GRB10: variants seen among roughly 807,000 people sequenced by gnomAD.
GRB10 encodes the protein growth factor receptor bound protein 10, also known as growth factor receptor-bound protein 10.
A neutral mutation model predicts 80.9 loss-of-function variants in GRB10; 20 were observed. The observed-to-expected ratio is 0.25, with a 90% confidence interval of 0.17 to 0.36. The LOEUF (loss-of-function observed/expected upper bound fraction) is 0.36, where lower values mean the gene tolerates loss of function less well. GRB10 is among the 10% of genes least tolerant of loss of function. The pLI is 1.00. For synonymous variants in GRB10, 291 were observed against 291.5 expected (o/e 1.00, Z 0.02); for missense variants, 548 against 747.7 (o/e 0.73, Z 3.12).
chr7:50,704,797 A>G (rs1005048695), intron 4 of GRB10, among the ~76,000 whole-genome samples: 2 of 152,240 alleles, frequency 1.3e-5, no homozygotes, highest in African/African-American at 4.8e-5. Flanking sequence ...CAACATGCAC[A>G]CACAGCTCCC....
chr7:50,603,478 G>A (rs764038322), intron 17 of GRB10, among the ~76,000 whole-genome samples: 4 of 152,132 alleles, frequency 2.6e-5, no homozygotes, highest in African/African-American at 7.2e-5. Flanking sequence ...TAATTGCCAC[G>A]GCAACAGCTC....
Position 50,725,120 on chromosome 7 carries a change from G to A in GRB10, c.51+7152C>T, listed in dbSNP as rs371445175. Among the ~76,000 whole-genome samples the A allele has an allele frequency of 9.9e-5, 15 of 152,162 alleles. No homozygotes were observed. In the East Asian group the frequency reaches 1.4e-3, roughly 14 times the overall value. Reference sequence around the variant, plus strand: ...TGATATGGTTTGCATTTGTATCCCCGCCCAAAATCTCATGTCCATCCCCAA... The same window carrying A: ...TGATATGGTTTGCATTTGTATCCCCACCCAAAATCTCATGTCCATCCCCAA... On this transcript the variant is annotated intron_variant, in intron 4 of 18. Transcript: ENST00000401949.
chr7:50,789,087 C>T (rs2078807247), intron 1 of GRB10, among the ~76,000 whole-genome samples: 1 of 152,200 alleles, frequency 6.6e-6, no homozygotes, highest in Non-Finnish European at 1.5e-5. Context: ...TAGAATTCTA[C>T]CTGTGAGGAG....
chr7:50,700,558 T>C, intron 5 of GRB10, among the ~76,000 whole-genome samples: 1 of 152,206 alleles, frequency 6.6e-6, no homozygotes, highest in Non-Finnish European at 1.5e-5. Context: ...CATTCCTTAT[T>C]CTATTTCATT....
chr7:50,645,052 T>C (rs2056950188), intron 7 of GRB10, among the ~76,000 whole-genome samples: 1 of 152,242 alleles, frequency 6.6e-6, no homozygotes, highest in African/African-American at 2.4e-5. Flanking sequence ...ATTTCATAAA[T>C]GGAGCTATCA....
intron 4 of GRB10, among the ~76,000 whole-genome samples, chr7:50,714,637 TG>T (rs2066534450): frequency 2.0e-5 from 3 of 149,956 alleles, no homozygotes. Flanking sequence ...CACTCCAGCC[TG>T]GGCTACATAG....
chr7:50,660,374 G>A (rs2059132125), intron 7 of GRB10, among the ~76,000 whole-genome samples: 1 of 152,148 alleles, frequency 6.6e-6, no homozygotes, highest in Non-Finnish European at 1.5e-5. Flanking sequence ...TGTCCATGCA[G>A]GAAGTGGGGT....
intron 7 of GRB10, among the ~76,000 whole-genome samples, chr7:50,632,398 G>C (rs1366962741): frequency 6.6e-6 from 1 of 152,152 alleles, no homozygotes; most frequent in African/African-American, 2.4e-5. Flanking sequence ...CCTGAGGCCT[G>C]GTCTCAGCTC....
At chr7:50,595,211 C>T (rs755228927) in intron 18 of GRB10, among the ~76,000 whole-genome samples, 1 of 152,188 alleles carries the variant, frequency 6.6e-6, no homozygotes, top group Non-Finnish European at 1.5e-5. Flanking sequence ...CTCACAGGCT[C>T]AAGGGGGGCC....
At chr7:50,777,384 A>C (rs1273616622) in intron 2 of GRB10, among the ~76,000 whole-genome samples, 1 of 149,256 alleles carries the variant, frequency 6.7e-6, no homozygotes, top group Non-Finnish European at 1.5e-5. Context: ...ATTAGGTTTC[A>C]ACACATGAAT....
chr7:50,733,142 G>C (rs1339230533), intron 3 of GRB10, among the ~76,000 whole-genome samples: 2 of 152,108 alleles, frequency 1.3e-5, no homozygotes, highest in Non-Finnish European at 2.9e-5. Flanking sequence ...AATACAAGCG[G>C]TGTTTTTGTA....
At chr7:50,608,866 G>A (rs577013433) in intron 13 of GRB10, among the ~76,000 whole-genome samples, 5 of 151,712 alleles carry the variant, frequency 3.3e-5, no homozygotes, top group African/African-American at 4.8e-5. Context: ...TCAGGAGGCT[G>A]AGGTGGGAAG....
intron 13 of GRB10, among the ~76,000 whole-genome samples, chr7:50,609,812 T>C (rs950951170): frequency 1.3e-5 from 2 of 152,126 alleles, no homozygotes; most frequent in Non-Finnish European, 2.9e-5. Context: ...TAACAAACAA[T>C]GTAACAGGAA....
chr7:50,721,719 A>G (rs1281461988), intron 4 of GRB10, among the ~76,000 whole-genome samples: 1 of 152,054 alleles, frequency 6.6e-6, no homozygotes, highest in African/African-American at 2.4e-5. Context: ...GCCAAACAGA[A>G]GGGTGATAGG....
At chr7:50,629,188 T>G (rs2053544467) in intron 7 of GRB10, among the ~76,000 whole-genome samples, 1 of 152,190 alleles carries the variant, frequency 6.6e-6, no homozygotes, top group Non-Finnish European at 1.5e-5. Flanking sequence ...TATGTTGAAG[T>G]GTGTGTCTCA....
intron 6 of GRB10, 88 bp downstream of exon 6, chr7:50,674,348 C>A: frequency 7.7e-7 from 1 of 1,302,580 alleles, no homozygotes; most frequent in South Asian, 1.2e-5. Flanking sequence ...CACTATTCCC[C>A]CCAACACCAT....
At chr7:50,776,803 G>C (rs2077701062) in intron 2 of GRB10, among the ~76,000 whole-genome samples, 1 of 152,124 alleles carries the variant, frequency 6.6e-6, no homozygotes, top group Non-Finnish European at 1.5e-5. Context: ...GGGCTTTACT[G>C]TCTATAATAC....
chr7:50,623,617 C>G (rs569038330), intron 8 of GRB10, among the ~76,000 whole-genome samples: 69 of 152,332 alleles, frequency 4.5e-4, no homozygotes, highest in Middle Eastern at 3.4e-3. Flanking sequence ...CAGACACCCA[C>G]GCATGGTGCT....
intron 17 of GRB10, 72 bp from the exon 18 acceptor site, chr7:50,595,602 T>TTC: frequency 5.4e-6 from 3 of 560,264 alleles, no homozygotes; most frequent in South Asian, 1.6e-5. Flanking sequence ...CACACTCTCT[T>TTC]ACACACACAC....
Sources: gnomAD v4.1 joint callset for allele counts (sites outside exome capture counted in the v4.1 genomes callset) on GRCh38, gnomAD v4.1.1 for gene constraint, MANE v1.5 for transcripts, NCBI Gene and HGNC (gene_info 2026-07-23, HGNC 2026-07-21) for gene names.